PKP1: variants seen among roughly 807,000 people sequenced by gnomAD.
PKP1 encodes the protein plakophilin-1.
PKP1 carries 27 observed loss-of-function variants against 76.4 expected under a neutral mutation model. That is an observed-to-expected ratio of 0.35 (90% confidence interval 0.26 to 0.49). The LOEUF (loss-of-function observed/expected upper bound fraction) is 0.49, where lower values mean the gene tolerates loss of function less well. PKP1 is among the 20% of genes least tolerant of loss of function. PKP1 has a pLI of 0.99. For missense variants in PKP1, 964 were observed against 955.2 expected, an observed-to-expected ratio of 1.01 and a Z score of -0.12; for synonymous variants, 404 against 384.2, an observed-to-expected ratio of 1.05 and a Z score of -0.60.
intron 2 of PKP1, among the ~76,000 whole-genome samples, chr1:201,310,185 T>C (rs934439167): frequency 1.6e-4 from 25 of 152,206 alleles, no homozygotes. Flanking sequence ...CTGTGCCCAA[T>C]CTAAGAGTCA....
chr1:201,314,901 G>A lies in PKP1; in HGVS notation c.701+1341G>A, dbSNP rs190048262. On this transcript the variant is annotated intron_variant, in intron 3 of 13. Coordinates refer to ENST00000367324, the MANE Select transcript of PKP1 (RefSeq NM_001005337.3). ...TTCTTCATCTTTAATCCTCACACCC[G>A]CCACCAGGCAGGCATGAGTATTCCT... Among the ~76,000 whole-genome samples the A allele has an allele frequency of 2.6e-5, 4 of 152,286 alleles. No homozygotes were observed. The East Asian group carries it at 5.8e-4, about 22-fold the overall frequency.
chr1:201,328,111 T>A (rs535402702), intron 12 of PKP1, among the ~76,000 whole-genome samples: 1 of 152,294 alleles, frequency 6.6e-6, no homozygotes, highest in East Asian at 1.9e-4. Flanking sequence ...GACCCTCTTT[T>A]CAAGGGCACC....
At chr1:201,298,018 G>A (rs369401212) in intron 2 of PKP1, among the ~76,000 whole-genome samples, 1 of 152,114 alleles carries the variant, frequency 6.6e-6, no homozygotes, top group African/African-American at 2.4e-5. Context: ...TACATGCCCC[G>A]TCTATCTATT....
rs369654264 is a variant in PKP1, at chr1:201,319,766, C to G, written c.1233-501C>G. 10 of 1,596,584 alleles carry G rather than the reference C, an allele frequency of 6.3e-6. No individual in the cohort carries two copies. In the African/African-American group the frequency reaches 1.2e-4, roughly 19 times the overall value. ...CTTCTGGTGCCCAGCCCGGCCACCCCCAGATCCACTTCTGATCCAGCATCA... is the reference window on the plus strand; with the variant it reads ...CTTCTGGTGCCCAGCCCGGCCACCCGCAGATCCACTTCTGATCCAGCATCA... On this transcript the variant is annotated intron_variant, in intron 6 of 13. Transcript: ENST00000367324.
At chr1:201,325,723 C>T (rs1171974000) in intron 11 of PKP1, 31 bp from the exon 12 acceptor site, 4 of 1,551,748 alleles carry the variant, frequency 2.6e-6, no homozygotes, top group East Asian at 4.5e-5. Context: ...CCTGGAATCT[C>T]ATCTCACAAA....
intron 2 of PKP1, among the ~76,000 whole-genome samples, chr1:201,311,258 A>T (rs1656543223): frequency 6.6e-6 from 1 of 152,200 alleles, no homozygotes; most frequent in South Asian, 2.1e-4. Flanking sequence ...TGTAATCTGC[A>T]GGACACGCAT....
At chr1:201,308,524 C>T (rs1656434308) in intron 2 of PKP1, among the ~76,000 whole-genome samples, 1 of 152,194 alleles carries the variant, frequency 6.6e-6, no homozygotes, top group Non-Finnish European at 1.5e-5. Flanking sequence ...ATTATGGAGA[C>T]AGGGCTGGGT....
chr1:201,328,989 T>C lies in PKP1; in HGVS notation c.*32+121T>C, dbSNP rs1421105587. On this transcript the variant is annotated intron_variant, in intron 13 of 13. Coordinates refer to ENST00000367324, the MANE Select transcript of PKP1 (RefSeq NM_001005337.3). ...ACAGAAGCATCCTTTTGCCTGGCTC[T>C]GGACAACACAAGCAGTTGTGTAGAC... The C allele has an allele frequency of 4.0e-6, 3 of 741,070 alleles. No individual in the cohort carries two copies. In the Admixed American group the frequency reaches 5.7e-5, roughly 14 times the overall value. 45.9% of individuals were successfully genotyped at this position (741,070 alleles called of 1,614,324 possible). A position where few individuals can be genotyped will look rare whatever the true frequency, so the allele number is the denominator to read the frequency against.
In PKP1 at chr1:201,330,342, A is replaced by C. The variant is rs947376; in HGVS notation, c.*301A>C. 104,393 of 151,892 alleles carry C rather than the reference A, an allele frequency of 0.69. 40,601 individuals carry two copies. Among genetic ancestry groups the C allele is most frequent in the East Asian group, 0.93 (4,815 of 5,164 alleles). 9.4% of individuals were successfully genotyped at this position (151,892 alleles called of 1,614,324 possible). On this transcript the variant is annotated 3_prime_UTR_variant, in exon 14 of 14. Transcript: ENST00000367324. ...TCTGAGAAATGGTATATATATGTGT[A>C]TAATGTAAGTGTGTGCATGCATGTG...
chr1:201,302,714 A>G (rs978894517), intron 2 of PKP1, among the ~76,000 whole-genome samples: 1 of 152,210 alleles, frequency 6.6e-6, no homozygotes, highest in Non-Finnish European at 1.5e-5. Context: ...CTGTAGAGAC[A>G]CAGGTGGGGA....
intron 1 of PKP1, 39 bp from the exon 2 acceptor site, chr1:201,293,903 A>G (rs1481699040): frequency 1.5e-6 from 2 of 1,351,048 alleles, no homozygotes; most frequent in Non-Finnish European, 2.1e-6. Flanking sequence ...GATGAAGATC[A>G]TGGCCATCCC....
At chr1:201,310,158 G>A (rs900050008) in intron 2 of PKP1, among the ~76,000 whole-genome samples, 5 of 152,160 alleles carry the variant, frequency 3.3e-5, no homozygotes, top group African/African-American at 1.2e-4. Flanking sequence ...TAGGAGCCAA[G>A]TCCTAAGGCA....
intron 2 of PKP1, among the ~76,000 whole-genome samples, chr1:201,307,273 T>C (rs1022882856): frequency 3.3e-5 from 5 of 152,140 alleles, no homozygotes; most frequent in African/African-American, 1.2e-4. Context: ...TTCTGAGCAA[T>C]GGGGCTGCTC....
At chr1:201,327,030 G>A (rs1657145814) in intron 12 of PKP1, among the ~76,000 whole-genome samples, 1 of 152,184 alleles carries the variant, frequency 6.6e-6, no homozygotes, top group Non-Finnish European at 1.5e-5. Context: ...GGAAGTCTCT[G>A]GAGCCGTCCA....
At position 201,316,763 on chromosome 1, in the gene PKP1, C is replaced by T. The variant is rs144051920; in HGVS notation, c.846+66C>T. ...GGGCCTGGGTGTGTCAGCCTGACTCCGCTTTTAGAGATGGGTGAGGGCATC... is the reference window on the plus strand; with the variant it reads ...GGGCCTGGGTGTGTCAGCCTGACTCTGCTTTTAGAGATGGGTGAGGGCATC... On this transcript the variant is annotated intron_variant, in intron 4 of 13. Coordinates refer to ENST00000367324, the MANE Select transcript of PKP1 (RefSeq NM_001005337.3). 679 of 1,583,286 alleles carry T rather than the reference C, an allele frequency of 4.3e-4. 4 individuals carry two copies. In the African/African-American group the frequency reaches 7.9e-3, roughly 19 times the overall value.
intron 2 of PKP1, among the ~76,000 whole-genome samples, chr1:201,304,663 G>A (rs1033709076): frequency 5.9e-5 from 9 of 152,212 alleles, no homozygotes; most frequent in African/African-American, 2.2e-4. Flanking sequence ...TCCAGGAGTC[G>A]GGGCCAGCAA....
chr1:201,311,667 C>T (rs546856381), intron 2 of PKP1, among the ~76,000 whole-genome samples: 11 of 152,190 alleles, frequency 7.2e-5, no homozygotes, highest in Admixed American at 3.3e-4. Context: ...AGTTGCCTAA[C>T]GACCTCCCCT....
intron 2 of PKP1, among the ~76,000 whole-genome samples, chr1:201,311,082 A>G (rs889493520): frequency 6.6e-6 from 1 of 152,196 alleles, no homozygotes; most frequent in Non-Finnish European, 1.5e-5. Context: ...TCGTTTATGG[A>G]GAACAAGGGT....
intron 1 of PKP1, among the ~76,000 whole-genome samples, chr1:201,292,712 G>C (rs368163915): frequency 2.0e-5 from 3 of 152,318 alleles, no homozygotes; most frequent in African/African-American, 7.2e-5. Flanking sequence ...CCCACAGACA[G>C]GGTTTCCGAT....
Sources: gnomAD v4.1 joint callset for allele counts (sites outside exome capture counted in the v4.1 genomes callset) on GRCh38, gnomAD v4.1.1 for gene constraint, MANE v1.5 for transcripts, NCBI Gene and HGNC (gene_info 2026-07-23, HGNC 2026-07-21) for gene names.